The following ARHGEF16 variants were observed in gnomAD, a reference collection of about 807,000 sequenced individuals.
ARHGEF16 encodes the protein Rho guanine nucleotide exchange factor 16.
Under a neutral mutation model 74.1 loss-of-function variants are expected in ARHGEF16, and 59 were observed. The ratio of observed to expected loss-of-function variants is 0.80; its 90% CI spans 0.65 to 0.99. ARHGEF16 has a LOEUF of 0.99. Ranked by LOEUF, ARHGEF16 falls within the 50% of genes least tolerant of loss-of-function variation. ARHGEF16 has a pLI of 0.00. For synonymous variants in ARHGEF16, 415 were observed against 412.6 expected (o/e 1.01, Z -0.07); for missense variants, 948 against 986.6 (o/e 0.96, Z 0.52).
At chr1:3,469,357 C>A in intron 5 of ARHGEF16, 76 bp from the exon 6 acceptor site, 1 of 1,552,232 alleles carries the variant, frequency 6.4e-7, no homozygotes, top group African/African-American at 1.4e-5. Context: ...TCACGTCCTC[C>A]TGTTCCAAGC....
chr1:3,454,700 G>C lies in ARHGEF16; in HGVS notation c.-131G>C, dbSNP rs545247658. On this transcript the variant is annotated 5_prime_UTR_variant, in exon 1 of 15. Transcript: ENST00000378378. Reference sequence around the variant, plus strand: ...CGCAGGAAGCGGAGGAGGCGCCCCGGGCCGGACCGCGCTGCCGCAGGAGCG... The same window carrying C: ...CGCAGGAAGCGGAGGAGGCGCCCCGCGCCGGACCGCGCTGCCGCAGGAGCG... 1 of 152,050 alleles carries C rather than the reference G, an allele frequency of 6.6e-6. No homozygotes were observed. Among genetic ancestry groups the C allele is most frequent in the Non-Finnish European group, 1.5e-5 (1 of 68,064 alleles). The allele number at this position is 152,050 out of a possible 1,614,324, so 9.4% of individuals were successfully genotyped here.
intron 4 of ARHGEF16, 52 bp from the exon 5 acceptor site, chr1:3,468,828 C>T: frequency 1.9e-6 from 3 of 1,545,974 alleles, no homozygotes; most frequent in Non-Finnish European, 2.6e-6. Flanking sequence ...GAGACTTTGG[C>T]CCAGGCTTCT....
At chr1:3,463,787 G>C (rs950389049) in intron 2 of ARHGEF16, 115 bp downstream of exon 2, 1 of 857,218 alleles carries the variant, frequency 1.2e-6, no homozygotes, top group East Asian at 2.9e-5. Context: ...GTAAGCACCT[G>C]CTGCATGAGG....
intron 1 of ARHGEF16, among the ~76,000 whole-genome samples, chr1:3,459,408 C>T (rs1325322914): frequency 1.3e-5 from 2 of 151,438 alleles, no homozygotes; most frequent in East Asian, 1.9e-4. Flanking sequence ...GAATGCTCAT[C>T]TCCTCACCAG....
chr1:3,478,388 G>T, intron 11 of ARHGEF16, 36 bp from the exon 12 acceptor site: 1 of 1,559,988 alleles, frequency 6.4e-7, no homozygotes, highest in Non-Finnish European at 8.7e-7. Context: ...TAGGAGCTGG[G>T]TGGGACCGTC....
rs774598957 is a variant in ARHGEF16 at position 3,476,037 on chromosome 1, C to A, written c.1448C>A (p.Thr483Lys). 6 of 1,554,894 alleles carry A rather than the reference C, an allele frequency of 3.9e-6. No individual in the cohort carries two copies. The Admixed American group carries it at 5.8e-5, about 15-fold the overall frequency. ...ERMEQMYTLH[T>K]QLDFSKVKSL... ...ATGGAGCAGATGTACACGCTGCACA[C>A]ACAGCTGGACTTCAGCAAGGTCAAG... is the stretch of plus-strand genomic sequence containing the variant. The change falls in exon 10 of 15, where the codon ACA (threonine) becomes AAA (lysine). Residue 483 changes from threonine to lysine, a missense_variant. Thr to Lys is a moderately conservative substitution (Grantham distance 78, BLOSUM62 -1). Coordinates refer to ENST00000378378, the MANE Select transcript of ARHGEF16 (RefSeq NM_014448.4).
intron 2 of ARHGEF16, among the ~76,000 whole-genome samples, chr1:3,464,009 T>C (rs1639475189): frequency 6.6e-6 from 1 of 152,200 alleles, no homozygotes; most frequent in South Asian, 2.1e-4. Flanking sequence ...GCCTGGATGA[T>C]AGGGTTCAGG....
At chr1:3,476,318 A>C (rs1639874534) in intron 10 of ARHGEF16, among the ~76,000 whole-genome samples, 1 of 152,070 alleles carries the variant, frequency 6.6e-6, no homozygotes, top group Non-Finnish European at 1.5e-5. Flanking sequence ...CCCCATCCCC[A>C]GGACTGCACC....
At chr1:3,455,426 T>C (rs1267061458) in intron 1 of ARHGEF16, among the ~76,000 whole-genome samples, 1 of 151,824 alleles carries the variant, frequency 6.6e-6, no homozygotes, top group African/African-American at 2.4e-5. Context: ...AGAAGGGAGA[T>C]GGGGAGGGGG....
In ARHGEF16 at chr1:3,480,701, G is replaced by A. The variant is rs1640034621; in HGVS notation, c.*114G>A. 1.4e-6 allele frequency: 2 copies of A among 1,379,356 alleles called. No homozygotes were observed. The highest frequency in any genetic ancestry group is 2.3e-5 in the Admixed American group (1 of 43,930). 85.4% of individuals were successfully genotyped at this position (1,379,356 alleles called of 1,614,324 possible). Reference sequence around the variant, plus strand: ...CAAGGACCCAGCATGGTTCCCTGGGGCTTCCCAAGAGCCTGTGGCTGTGGT... The same window carrying A: ...CAAGGACCCAGCATGGTTCCCTGGGACTTCCCAAGAGCCTGTGGCTGTGGT... On this transcript the variant is annotated 3_prime_UTR_variant, in exon 15 of 15. Coordinates refer to ENST00000378378, the MANE Select transcript of ARHGEF16 (RefSeq NM_014448.4).
At chr1:3,461,841 G>A (rs1360316192) in intron 1 of ARHGEF16, among the ~76,000 whole-genome samples, 1 of 152,224 alleles carries the variant, frequency 6.6e-6, no homozygotes, top group African/African-American at 2.4e-5. Flanking sequence ...GGCAGCCAGG[G>A]AAGACGCAGA....
chr1:3,468,766 T>G (rs2493249), intron 4 of ARHGEF16, 114 bp from the exon 5 acceptor site: 1 of 1,234,722 alleles, frequency 8.1e-7, no homozygotes, highest in Non-Finnish European at 1.2e-6. Context: ...ACCTGAGCCC[T>G]GTGGGGTGGC....
At chr1:3,458,420 G>T (rs1167107693) in intron 1 of ARHGEF16, among the ~76,000 whole-genome samples, 1 of 152,214 alleles carries the variant, frequency 6.6e-6, no homozygotes, top group Non-Finnish European at 1.5e-5. Context: ...AAAGGAGTCT[G>T]CCCTCTCAGC....
intron 1 of ARHGEF16, among the ~76,000 whole-genome samples, chr1:3,461,960 G>A (rs186487696): frequency 4.3e-4 from 65 of 152,308 alleles, no homozygotes; most frequent in Non-Finnish European, 7.1e-4. Flanking sequence ...GCCCTGCCTC[G>A]GGTCTGGAAG....
At position 3,479,846 on chromosome 1, in the gene ARHGEF16, C is replaced by G; in HGVS notation, c.1923C>G (p.Phe641Leu). Residue 641 changes from phenylalanine to leucine, a missense_variant, in exon 14 of 15, where the codon TTC becomes TTG. By Grantham distance (22) the Phe-to-Leu change is conservative (BLOSUM62 0). Coordinates refer to ENST00000378378, the MANE Select transcript of ARHGEF16 (RefSeq NM_014448.4). ...LPQVEITKAF[F>L]AKQADEVTLQ... is the part of the protein sequence containing the mutation. ...AGGTGGAGATCACCAAGGCCTTCTTCGCGAAGCAAGCAGACGAGGTCACAC... is the reference window on the plus strand; with the variant it reads ...AGGTGGAGATCACCAAGGCCTTCTTGGCGAAGCAAGCAGACGAGGTCACAC... 1 of 1,612,268 alleles carries G rather than the reference C, an allele frequency of 6.2e-7. No homozygotes were observed. The highest frequency in any genetic ancestry group is 8.5e-7 in the Non-Finnish European group (1 of 1,179,928).
intron 12 of ARHGEF16, among the ~76,000 whole-genome samples, chr1:3,479,143 G>T (rs1210657170): frequency 6.6e-6 from 1 of 152,230 alleles, no homozygotes; most frequent in East Asian, 1.9e-4. Flanking sequence ...ACACAGGTGC[G>T]CCAGTCTCCA....
intron 1 of ARHGEF16, among the ~76,000 whole-genome samples, chr1:3,461,208 G>A (rs995102701): frequency 1.3e-5 from 2 of 152,234 alleles, no homozygotes; most frequent in Non-Finnish European, 1.5e-5. Flanking sequence ...AATGAAAGCA[G>A]CGAGTTTTCT....
chr1:3,465,487 G>A (rs1396179758), intron 2 of ARHGEF16, among the ~76,000 whole-genome samples: 2 of 152,206 alleles, frequency 1.3e-5, no homozygotes, highest in Non-Finnish European at 2.9e-5. Flanking sequence ...GCGGGGCACG[G>A]GGCTGAGGGT....
chr1:3,462,546 C>G (rs1329788051), intron 1 of ARHGEF16, among the ~76,000 whole-genome samples: 4 of 152,198 alleles, frequency 2.6e-5, no homozygotes, highest in Admixed American at 2.6e-4. Flanking sequence ...CTGATGCCGG[C>G]CTCAGGAAGC....
Sources: gnomAD v4.1 joint callset for allele counts (sites outside exome capture counted in the v4.1 genomes callset) on GRCh38, gnomAD v4.1.1 for gene constraint, MANE v1.5 for transcripts, NCBI Gene and HGNC (gene_info 2026-07-23, HGNC 2026-07-21) for gene names.